ADCY9: variants seen among roughly 807,000 people sequenced by gnomAD.
ADCY9 encodes the protein adenylate cyclase 9.
A neutral mutation model predicts 101.5 loss-of-function variants in ADCY9; 50 were observed. The ratio of observed to expected loss-of-function variants is 0.49; its 90% CI spans 0.39 to 0.62. The LOEUF is 0.62. Among genes scored for constraint, ADCY9 ranks in the 20% least tolerant of loss-of-function variants. The pLI is 0.00. For missense variants in ADCY9, 1,662 were observed against 1,800.4 expected, an observed-to-expected ratio of 0.92 and a Z score of 1.39; for synonymous variants, 905 against 769.3, an observed-to-expected ratio of 1.18 and a Z score of -2.92.
downstream of ADCY9, among the ~76,000 whole-genome samples, chr16:3,961,265 T>C (rs1344558469): frequency 1.3e-5 from 2 of 151,826 alleles, no homozygotes; most frequent in African/African-American, 2.4e-5. Context: ...CTGGCCAACA[T>C]GGCAAGACCC....
In ADCY9 at chr16:3,965,710, A is replaced by T; in HGVS notation, c.*65T>A. 1 of 1,483,736 alleles carries T rather than the reference A, an allele frequency of 6.7e-7. No individual in the cohort carries two copies. Among genetic ancestry groups the T allele is most frequent in the Non-Finnish European group, 9.2e-7 (1 of 1,090,740 alleles). 91.9% of individuals were successfully genotyped at this position (1,483,736 alleles called of 1,614,324 possible). On this transcript the variant is annotated 3_prime_UTR_variant, in exon 11 of 11. Transcript: ENST00000294016. ...AACTGTGGCGCTTGGAAAGCACAAC[A>T]GCCAAATACAAATATTACTGTGTTT...
chr16:4,059,152 G>A lies in ADCY9; in HGVS notation c.1694-51594C>T, dbSNP rs190908420. 2.8e-3 allele frequency among the ~76,000 whole-genome samples: 428 copies of A among 152,112 alleles called. 1 individual carries two copies. Among genetic ancestry groups the A allele is most frequent in the Non-Finnish European group, 4.7e-3 (317 of 67,994 alleles). ...TTTAATCCCAGCACTCTGGGAGGCC[G>A]AGGTGGGCAGATCACCTGAGGTCAG... On this transcript the variant is annotated intron_variant, in intron 2 of 10. Coordinates refer to ENST00000294016, the MANE Select transcript of ADCY9 (RefSeq NM_001116.4).
At chr16:4,067,983 A>AT (rs540014260) in intron 2 of ADCY9, among the ~76,000 whole-genome samples, 1 of 150,622 alleles carries the variant, frequency 6.6e-6, no homozygotes, top group Non-Finnish European at 1.5e-5. Context: ...CGTGGCAATA[A>AT]TTTTTTTTTT....
At chr16:4,056,153 T>C (rs1473302612) in intron 2 of ADCY9, among the ~76,000 whole-genome samples, 1 of 152,232 alleles carries the variant, frequency 6.6e-6, no homozygotes, top group Admixed American at 6.5e-5. Context: ...GATTCTTCAA[T>C]AATCTCTTCA....
In ADCY9 at chr16:4,097,553, A is replaced by ATATTTTTTTTTTT. The variant is rs1382458827; in HGVS notation, c.1693+16196_1693+16197insAAAAAAAAAAATA. ...CATATATATATATATATATATATATATTTTTTTTTTTTTTTTTTAAGACAG... is the reference window on the plus strand; with the variant it reads ...CATATATATATATATATATATATATATATTTTTTTTTTTTTTTTTTTTTTTTTTTTTAAGACAG... On this transcript the variant is annotated intron_variant, in intron 2 of 10. Coordinates refer to ENST00000294016, the MANE Select transcript of ADCY9 (RefSeq NM_001116.4). Among the ~76,000 whole-genome samples the ATATTTTTTTTTTT allele has an allele frequency of 1.9e-4, 10 of 53,416 alleles. 1 individual carries two copies. Among genetic ancestry groups the ATATTTTTTTTTTT allele is most frequent in the African/African-American group, 7.8e-4 (9 of 11,588 alleles). The allele number at this position is 53,416 out of a possible 152,430, so 35.0% of individuals were successfully genotyped here.
At chr16:4,096,809 A>G (rs2057006568) in intron 2 of ADCY9, among the ~76,000 whole-genome samples, 1 of 152,206 alleles carries the variant, frequency 6.6e-6, no homozygotes, top group South Asian at 2.1e-4. Context: ...CTAGAGTGTT[A>G]GAAAATGTAG....
intron 3 of ADCY9, among the ~76,000 whole-genome samples, chr16:4,005,689 A>G (rs930274449): frequency 6.6e-6 from 1 of 151,938 alleles, no homozygotes; most frequent in African/African-American, 2.4e-5. Context: ...CATTGCTAAA[A>G]CCGTGGTCAC....
At chr16:4,022,095 C>A (rs146786534) in intron 2 of ADCY9, among the ~76,000 whole-genome samples, 13 of 152,340 alleles carry the variant, frequency 8.5e-5, no homozygotes, top group Non-Finnish European at 1.3e-4. Flanking sequence ...AGCCTAAGGG[C>A]AGGGTGGCAC....
intron 6 of ADCY9, among the ~76,000 whole-genome samples, chr16:3,985,426 G>T (rs2056183310): frequency 6.6e-6 from 1 of 152,118 alleles, no homozygotes; most frequent in Non-Finnish European, 1.5e-5. Flanking sequence ...CTGAGCCACT[G>T]TACCCGGCCA....
intron 2 of ADCY9, among the ~76,000 whole-genome samples, chr16:4,013,994 G>A (rs2056420927): frequency 6.6e-6 from 1 of 152,070 alleles, no homozygotes; most frequent in Non-Finnish European, 1.5e-5. Flanking sequence ...ACTACAAATG[G>A]CTGCTGGTGA....
intron 2 of ADCY9, among the ~76,000 whole-genome samples, chr16:4,011,341 A>G (rs1878120947): frequency 6.6e-6 from 1 of 152,126 alleles, no homozygotes; most frequent in African/African-American, 2.4e-5. Context: ...TGTGTGGGCC[A>G]TCCTGGGAAG....
chr16:4,083,863 G>T (rs1368826966), intron 2 of ADCY9, among the ~76,000 whole-genome samples: 5 of 152,214 alleles, frequency 3.3e-5, no homozygotes, highest in Non-Finnish European at 7.3e-5. Flanking sequence ...AGCACTGGGG[G>T]TGGCAGCTCG....
chr16:4,077,077 CAAA>C (rs56303992), intron 2 of ADCY9, among the ~76,000 whole-genome samples: 2 of 139,104 alleles, frequency 1.4e-5, no homozygotes, highest in Admixed American at 7.3e-5. Context: ...GACTTCGTCT[CAAA>C]AAAAAAAAAA....
chr16:4,098,901 T>A (rs2057025462), intron 2 of ADCY9, among the ~76,000 whole-genome samples: 1 of 151,574 alleles, frequency 6.6e-6, no homozygotes, highest in Non-Finnish European at 1.5e-5. Context: ...GGTTTGGGAT[T>A]TTTTTTTATT....
chr16:4,076,572 T>G (rs951132085), intron 2 of ADCY9, among the ~76,000 whole-genome samples: 1 of 152,122 alleles, frequency 6.6e-6, no homozygotes, highest in Non-Finnish European at 1.5e-5. Context: ...CAGCACAAAG[T>G]GAGGCTGGGG....
intron 2 of ADCY9, among the ~76,000 whole-genome samples, chr16:4,032,288 CA>C (rs879474551): frequency 6.3e-4 from 87 of 139,006 alleles, no homozygotes; most frequent in Non-Finnish European, 5.3e-4. Context: ...GACTCCATCT[CA>C]AAAAAAAAAA....
At chr16:4,080,651 T>TA (rs199660799) in intron 2 of ADCY9, among the ~76,000 whole-genome samples, 1 of 151,446 alleles carries the variant, frequency 6.6e-6, no homozygotes, top group African/African-American at 2.4e-5. Flanking sequence ...ACAGAAACAA[T>TA]AAAAAATATA....
At chr16:3,994,257 G>T (rs1486620551) in intron 3 of ADCY9, among the ~76,000 whole-genome samples, 1 of 152,116 alleles carries the variant, frequency 6.6e-6, no homozygotes, top group African/African-American at 2.4e-5. Flanking sequence ...TGAATCTTCC[G>T]GGACCTTGAT....
In ADCY9 at chr16:4,115,107, G is replaced by C. The variant is rs2057140847; in HGVS notation, c.336C>G (p.Thr112=). Residue 112 remains threonine (T), a synonymous_variant, in exon 2 of 11, where the codon ACC becomes ACG. Coordinates refer to ENST00000294016, the MANE Select transcript of ADCY9 (RefSeq NM_001116.4). This position sits in a 1 kb window ranked among gnomAD's most constrained non-coding sequence, Gnocchi z 6.2. ...EACLERCFPQ[T]QRRFRYALFY... is the part of the protein sequence containing the mutation. The stretch of plus-strand genomic sequence containing the variant: ...AGAGCGCATACCGGAACCGGCGCTG[G>C]GTCTGCGGGAAGCAGCGCTCCAGGC... 3 of 1,613,858 alleles carry C rather than the reference G, an allele frequency of 1.9e-6. No homozygotes were observed. Among genetic ancestry groups the C allele is most frequent in the South Asian group, 1.1e-5 (1 of 91,086 alleles).
Sources: gnomAD v4.1 joint callset for allele counts (sites outside exome capture counted in the v4.1 genomes callset) on GRCh38, gnomAD v4.1.1 for gene constraint, Gnocchi (gnomAD v3.1) non-coding constraint, MANE v1.5 for transcripts, NCBI Gene and HGNC (gene_info 2026-07-23, HGNC 2026-07-21) for gene names.